Variants in BRAP observed in about 807,000 individuals in gnomAD.
BRAP encodes the protein BRCA1-associated protein.
In BRAP, 42 loss-of-function variants were observed where a neutral mutation model predicts 73.4. The observed-to-expected ratio is 0.57, with a 90% CI of 0.45 to 0.74. BRAP has a LOEUF of 0.74. BRAP is among the 30% of genes least tolerant of loss of function. The pLI, the probability that BRAP is intolerant of heterozygous loss-of-function variation, is 0.00. For synonymous variants in BRAP, 255 were observed against 267.4 expected (o/e 0.95, Z 0.45); for missense variants, 593 against 751.4 (o/e 0.79, Z 2.46).
chr12:111,682,685 G>C (rs982941335), intron 2 of BRAP, among the ~76,000 whole-genome samples: 1 of 152,094 alleles, frequency 6.6e-6, no homozygotes, highest in Non-Finnish European at 1.5e-5. Flanking sequence ...GCCGAGGCAG[G>C]TGGATCACTT....
intron 5 of BRAP, among the ~76,000 whole-genome samples, chr12:111,667,446 A>T (rs556523420): frequency 5.7e-4 from 87 of 152,140 alleles, no homozygotes; most frequent in Non-Finnish European, 9.6e-4. Context: ...ACGCCTGTTA[A>T]GTCCAGCACT....
At chr12:111,655,825 A>C (rs1886507976) in intron 9 of BRAP, among the ~76,000 whole-genome samples, 170 bp from the exon 10 acceptor site, 1 of 152,202 alleles carries the variant, frequency 6.6e-6, no homozygotes, top group Admixed American at 6.6e-5. Flanking sequence ...CAGGGGACAC[A>C]AATGACATTA....
At chr12:111,659,496 A>T in intron 7 of BRAP, 151 bp from the exon 8 acceptor site, 2 of 648,472 alleles carry the variant, frequency 3.1e-6, no homozygotes, top group Non-Finnish European at 5.0e-6. Flanking sequence ...TCTACTAAAA[A>T]TACAAATATT....
chr12:111,649,100 A>G (rs1886225148), intron 11 of BRAP, among the ~76,000 whole-genome samples: 1 of 152,168 alleles, frequency 6.6e-6, no homozygotes, highest in Non-Finnish European at 1.5e-5. Context: ...AGTATAGGGT[A>G]ATTTTTAAGT....
Position 111,644,043 on chromosome 12 carries a change from C to G in BRAP, c.*156G>C. On this transcript the variant is annotated 3_prime_UTR_variant, in exon 12 of 12. Transcript: ENST00000419234. ...CTCTCCAGTCAGCACCCTTTACATT[C>G]ACTACATCACACACTAGCAAATGAA... 8.5e-7 allele frequency: 1 copy of G among 1,171,688 alleles called. No individual in the cohort carries two copies. The highest frequency in any genetic ancestry group is 1.6e-5 in the South Asian group (1 of 61,410). The allele number at this position is 1,171,688 out of a possible 1,614,324, so 72.6% of individuals were successfully genotyped here. A position where few individuals can be genotyped will look rare whatever the true frequency, so the allele number is the denominator to read the frequency against.
At chr12:111,672,798 G>T in intron 4 of BRAP, 24 bp from the exon 5 acceptor site, 1 of 1,582,894 alleles carries the variant, frequency 6.3e-7, no homozygotes. Flanking sequence ...TGGGGAAAAG[G>T]AAAAAAATTA....
intron 3 of BRAP, among the ~76,000 whole-genome samples, chr12:111,681,370 CAA>C (rs80154506): frequency 2.4e-5 from 3 of 125,274 alleles, no homozygotes; most frequent in Admixed American, 8.1e-5. Context: ...AACTCCATTT[CAA>C]AAAAAAAAAA....
At chr12:111,666,584 G>A (rs759295008) in intron 5 of BRAP, among the ~76,000 whole-genome samples, 1 of 152,184 alleles carries the variant, frequency 6.6e-6, no homozygotes, top group Non-Finnish European at 1.5e-5. Context: ...TTAGAATCTA[G>A]TGGAGGGAGA....
intron 2 of BRAP, 64 bp downstream of exon 2, chr12:111,683,082 G>A (rs1259697644): frequency 1.0e-5 from 16 of 1,528,134 alleles, no homozygotes; most frequent in Middle Eastern, 1.7e-4. Context: ...ATCAAACACC[G>A]TGTATAAAAT....
In BRAP at chr12:111,666,626, AG is replaced by A. The variant is rs554868805; in HGVS notation, c.748-840del. Among the ~76,000 whole-genome samples, 11 of 152,336 alleles carry A rather than the reference AG, an allele frequency of 7.2e-5. No individual in the cohort carries two copies. In the South Asian group the frequency reaches 2.3e-3, roughly 32 times the overall value. On this transcript the variant is annotated intron_variant, in intron 5 of 11. Coordinates refer to ENST00000419234, the MANE Select transcript of BRAP (RefSeq NM_006768.5). ...AATCAAATTAAAAAGCAAACAGTAC[AG>A]GAAGCCACAACAGGGTGTGAATTAG...
chr12:111,651,474 T>C (rs529106823), intron 10 of BRAP, among the ~76,000 whole-genome samples: 8 of 150,912 alleles, frequency 5.3e-5, no homozygotes, highest in Admixed American at 1.3e-4. Flanking sequence ...GAGGTGGAGA[T>C]TGCAGTGAGC....
intron 5 of BRAP, chr12:111,670,000 C>A (rs1315746749): frequency 3.1e-6 from 2 of 647,330 alleles, no homozygotes; most frequent in African/African-American, 1.8e-5. Context: ...TCATCTTCAT[C>A]TTTGCTTCTG....
intron 11 of BRAP, 45 bp from the exon 12 acceptor site, chr12:111,644,607 GAC>G (rs765906865): frequency 4.4e-6 from 7 of 1,590,844 alleles, no homozygotes; most frequent in Middle Eastern, 1.7e-4. Context: ...TTCATTTGCT[GAC>G]ACAGTCCCCT....
chr12:111,672,518 C>T, intron 5 of BRAP, 143 bp downstream of exon 5: 3 of 641,774 alleles, frequency 4.7e-6, no homozygotes, highest in South Asian at 2.3e-5. Context: ...ACTCCCCATT[C>T]GTCTCTTCCT....
rs760568975 is a variant in BRAP, at chr12:111,683,924, AT to A, written c.83-618del. On this transcript the variant is annotated intron_variant, in intron 1 of 11. Coordinates refer to ENST00000419234, the MANE Select transcript of BRAP (RefSeq NM_006768.5). ...AGTGATCATGCCCAGATGAGCTAAC[AT>A]TTTAGTAACACCTGATAAAATGAAA... Among the ~76,000 whole-genome samples, 44 of 152,300 alleles carry A rather than the reference AT, an allele frequency of 2.9e-4. 1 individual carries two copies. Among genetic ancestry groups the A allele is most frequent in the Middle Eastern group, 3.4e-3 (1 of 294 alleles).
At chr12:111,681,096 G>A (rs904611748) in intron 3 of BRAP, among the ~76,000 whole-genome samples, 25 of 152,154 alleles carry the variant, frequency 1.6e-4, no homozygotes, top group African/African-American at 6.0e-4. Flanking sequence ...CTGGCAGGGC[G>A]CAGTGGCTCA....
chr12:111,665,506 A>G lies in BRAP; in HGVS notation c.896+133T>C. The G allele has an allele frequency of 1.6e-6, 2 of 1,279,560 alleles. No individual in the cohort carries two copies. The highest frequency in any genetic ancestry group is 2.1e-6 in the Non-Finnish European group (2 of 940,192). 79.3% of individuals were successfully genotyped at this position (1,279,560 alleles called of 1,614,324 possible). A position where few individuals can be genotyped will look rare whatever the true frequency, so the allele number is the denominator to read the frequency against. ...AGAATGCCGATTCCCTGAACTTAGG[A>G]AAGGGAAGGAGAAAAAGGACCTCTT... On this transcript the variant is annotated intron_variant, in intron 6 of 11. Coordinates refer to ENST00000419234, the MANE Select transcript of BRAP (RefSeq NM_006768.5). This position sits in a 1 kb window ranked among gnomAD's most constrained non-coding sequence, Gnocchi z 4.3.
Position 111,672,661 on chromosome 12 carries a change from A to G in BRAP, c.747T>C (p.Asp249=), listed in dbSNP as rs1887224439. The change falls in exon 5 of 12, where the codon GAT becomes GAC. Residue 249 remains aspartate (D), a splice_region_variant and synonymous_variant. Coordinates refer to ENST00000419234, the MANE Select transcript of BRAP (RefSeq NM_006768.5). The part of the protein sequence containing the change: ...VERAEVLKSE[D]GASLPVMDLT... The stretch of plus-strand genomic sequence containing the variant: ...AAATATAGGAACAATTCACACTTAC[A>G]TCTTCAGATTTGAGCACTTCAGCTC... 2.0e-5 allele frequency: 32 copies of G among 1,607,114 alleles called. No homozygotes were observed. Among genetic ancestry groups the G allele is most frequent in the Non-Finnish European group, 2.7e-5 (32 of 1,174,944 alleles).
At chr12:111,651,011 G>A (rs985219664) in intron 10 of BRAP, among the ~76,000 whole-genome samples, 1 of 152,044 alleles carries the variant, frequency 6.6e-6, no homozygotes, top group African/African-American at 2.4e-5. Context: ...GAAGATCTGC[G>A]AACTTGGGAA....
Sources: gnomAD v4.1 joint callset for allele counts (sites outside exome capture counted in the v4.1 genomes callset) on GRCh38, gnomAD v4.1.1 for gene constraint, Gnocchi (gnomAD v3.1) non-coding constraint, MANE v1.5 for transcripts, NCBI Gene and HGNC (gene_info 2026-07-23, HGNC 2026-07-21) for gene names.